The following GLUD1 variants were observed in gnomAD, a reference collection of about 807,000 sequenced individuals.
The protein encoded by GLUD1 is glutamate dehydrogenase 1, mitochondrial.
A neutral mutation model predicts 56.0 loss-of-function variants in GLUD1; 22 were observed. That is an observed-to-expected ratio of 0.39 (90% CI 0.28 to 0.56). GLUD1 has a LOEUF of 0.56. Ranked by LOEUF, GLUD1 falls within the 20% of genes least tolerant of loss-of-function variation. GLUD1 has a pLI of 0.58. For synonymous variants in GLUD1, 223 were observed against 269.9 expected (o/e 0.83, Z 1.70); for missense variants, 451 against 732.0 (o/e 0.62, Z 4.43).
Position 87,076,631 on chromosome 10 carries a change from A to T in GLUD1, c.471T>A (p.Ser157Arg), listed in dbSNP as rs754719807. 1.2e-6 allele frequency: 2 copies of T among 1,607,402 alleles called. No individual in the cohort carries two copies. The highest frequency in any genetic ancestry group is 1.7e-6 in the Non-Finnish European group (2 of 1,173,862). Reference protein sequence around the residue: ...KGGIRYSTDVSVDEVKALASL... With the variant: ...KGGIRYSTDVRVDEVKALASL... ...AAGCCAAAGCTTTTACTTCATCTACACTCACATCAGTGCTGTAACGGATAC... is the reference window on the plus strand; with the variant it reads ...AAGCCAAAGCTTTTACTTCATCTACTCTCACATCAGTGCTGTAACGGATAC... Residue 157 changes from serine to arginine, a missense_variant, in exon 2 of 13, where the codon AGT becomes AGA. Physicochemically the swap from Ser to Arg is moderately radical, Grantham distance 110. This residue lies in a region of GLUD1 where 248 missense variants were observed against 460.0 expected (regional missense o/e 0.54). Transcript: ENST00000277865.
At chr10:87,078,492 T>C (rs1264744226) in intron 1 of GLUD1, among the ~76,000 whole-genome samples, 4 of 152,222 alleles carry the variant, frequency 2.6e-5, no homozygotes, top group Non-Finnish European at 1.5e-5. Context: ...ACCTGGCAAG[T>C]TAGCACCACG....
intron 1 of GLUD1, among the ~76,000 whole-genome samples, chr10:87,081,946 CAAAAAA>C (rs71019464): frequency 1.2e-4 from 10 of 85,650 alleles, no homozygotes; most frequent in African/African-American, 3.9e-4. Flanking sequence ...ATGATCAATA[CAAAAAA>C]AAAAAAAAAA....
intron 4 of GLUD1, among the ~76,000 whole-genome samples, chr10:87,073,409 C>T (rs1428000453): frequency 1.3e-5 from 2 of 152,098 alleles, no homozygotes; most frequent in African/African-American, 4.8e-5. Context: ...CCACCTCAGC[C>T]TCCAAAAATG....
At chr10:87,074,875 T>C (rs544561186) in intron 3 of GLUD1, among the ~76,000 whole-genome samples, 1 of 152,116 alleles carries the variant, frequency 6.6e-6, no homozygotes, top group Non-Finnish European at 1.5e-5. Context: ...CACTAAATCT[T>C]AATTAAGATT....
chr10:87,052,945 A>G lies in GLUD1; in HGVS notation c.1557+397T>C, dbSNP rs1845677267. ...AAGAAATTAGGAAAACTGGACTCAA[A>G]CTGTGGTTGAGGCCTTAAAGTAGGG... is the stretch of plus-strand genomic sequence containing the variant. On this transcript the variant is annotated intron_variant, in intron 12 of 12. Transcript: ENST00000277865. Among the ~76,000 whole-genome samples the G allele has an allele frequency of 2.6e-5, 4 of 152,246 alleles. No individual in the cohort carries two copies. In the South Asian group the frequency reaches 6.2e-4, roughly 24 times the overall value.
intron 1 of GLUD1, 149 bp from the exon 2 acceptor site, chr10:87,076,805 T>G (rs964018890): frequency 4.3e-6 from 3 of 693,470 alleles, no homozygotes; most frequent in Non-Finnish European, 8.0e-6. Flanking sequence ...CCAAAAACAC[T>G]TGAAGCAGCT....
chr10:87,067,896 A>C, intron 5 of GLUD1, 167 bp downstream of exon 5: 1 of 631,370 alleles, frequency 1.6e-6, no homozygotes, highest in African/African-American at 1.8e-5. Context: ...ATCTGTGTTC[A>C]TTACGATTTA....
At position 87,062,634 on chromosome 10, in the gene GLUD1, CTT is replaced by C; in HGVS notation, c.921+20_921+21del. ...TAATGTCTATCAGTTATTAAGGAAACTTTTTTTGTTTTTGTTTTTACCTGAAC... is the reference window on the plus strand; with the variant it reads ...TAATGTCTATCAGTTATTAAGGAAACTTTTTGTTTTTGTTTTTACCTGAAC... On this transcript the variant is annotated intron_variant, in intron 6 of 12. Coordinates refer to ENST00000277865, the MANE Select transcript of GLUD1 (RefSeq NM_005271.5). The C allele has an allele frequency of 6.3e-7, 1 of 1,592,594 alleles. No homozygotes were observed. Among genetic ancestry groups the C allele is most frequent in the Non-Finnish European group, 8.6e-7 (1 of 1,161,666 alleles).
intron 11 of GLUD1, among the ~76,000 whole-genome samples, chr10:87,055,222 A>T (rs970481283): frequency 1.3e-5 from 2 of 152,144 alleles, no homozygotes; most frequent in African/African-American, 4.8e-5. Flanking sequence ...ATCAGGGCTT[A>T]GGTGTTAACA....
At chr10:87,059,827 G>A (rs1165490401) in intron 9 of GLUD1, among the ~76,000 whole-genome samples, 1 of 152,164 alleles carries the variant, frequency 6.6e-6, no homozygotes, top group Non-Finnish European at 1.5e-5. Flanking sequence ...AAGCTGGAAA[G>A]GGCACTTGAA....
Position 87,093,844 on chromosome 10 carries a change from C to A in GLUD1, c.445+481G>T. 4 of 1,081,236 alleles carry A rather than the reference C, an allele frequency of 3.7e-6. 1 individual carries two copies. In the South Asian group the frequency reaches 5.2e-5, roughly 14 times the overall value. The allele number at this position is 1,081,236 out of a possible 1,614,324, so 67.0% of individuals were successfully genotyped here. A position where few individuals can be genotyped will look rare whatever the true frequency, so the allele number is the denominator to read the frequency against. ...TCAAACTTAGAAGCCAAGTCATTTT[C>A]TATGTTCGGATATCATCTGTCACTA... is the stretch of plus-strand genomic sequence containing the variant. On this transcript the variant is annotated intron_variant, in intron 1 of 12. Coordinates refer to ENST00000277865, the MANE Select transcript of GLUD1 (RefSeq NM_005271.5).
intron 1 of GLUD1, chr10:87,089,581 C>T (rs1841464779): frequency 4.1e-6 from 4 of 983,408 alleles, no homozygotes; most frequent in South Asian, 4.7e-5. Flanking sequence ...GGCAGTTGAC[C>T]TCAAGTGAAG....
intron 5 of GLUD1, among the ~76,000 whole-genome samples, chr10:87,064,819 C>T (rs1403694241): frequency 6.6e-6 from 1 of 152,150 alleles, no homozygotes; most frequent in East Asian, 1.9e-4. Flanking sequence ...AATGCAAATG[C>T]TGGAGCTGAA....
chr10:87,091,868 T>C (rs1355438921), intron 1 of GLUD1, among the ~76,000 whole-genome samples: 1 of 151,992 alleles, frequency 6.6e-6, no homozygotes, highest in African/African-American at 2.4e-5. Flanking sequence ...AGGTTTTTTT[T>C]TTTGGCAAAG....
chr10:87,093,032 C>A (rs1442785625), intron 1 of GLUD1, among the ~76,000 whole-genome samples: 1 of 152,212 alleles, frequency 6.6e-6, no homozygotes, highest in Non-Finnish European at 1.5e-5. Context: ...GCAACCAGAG[C>A]TAGGGGATAA....
intron 6 of GLUD1, 124 bp from the exon 7 acceptor site, chr10:87,061,176 CA>C (rs1845919790): frequency 2.1e-6 from 2 of 945,668 alleles, no homozygotes; most frequent in South Asian, 2.6e-5. Context: ...ATTCTTTTGC[CA>C]AAAGAAACAA....
At chr10:87,064,968 C>T (rs17343630) in intron 5 of GLUD1, among the ~76,000 whole-genome samples, 47,702 of 151,928 alleles carry the variant, frequency 0.31, 7,793 homozygotes, top group Middle Eastern at 0.36. Flanking sequence ...GAGGGCGGCA[C>T]GTTTCAGTTC....
intron 12 of GLUD1, among the ~76,000 whole-genome samples, chr10:87,052,668 T>TAAAAAAAAAAAAAAAA (rs1285140190): frequency 1.2e-4 from 2 of 16,534 alleles, no homozygotes; most frequent in Non-Finnish European, 1.6e-4. Flanking sequence ...AAACTCCGTC[T>TAAAAAAAAAAAAAAAA]CAAAAAAAAA....
At chr10:87,068,851 A>G (rs1490172613) in intron 4 of GLUD1, among the ~76,000 whole-genome samples, 2 of 151,970 alleles carry the variant, frequency 1.3e-5, no homozygotes, top group Admixed American at 6.6e-5. Context: ...TGACGGCTAC[A>G]GTAAGATCTC....
Sources: allele counts gnomAD v4.1 joint callset (sites outside exome capture counted in the v4.1 genomes callset), GRCh38; gene constraint gnomAD v4.1.1; regional missense constraint gnomAD v4.1.1; transcripts MANE v1.5; gene names NCBI Gene and HGNC (gene_info 2026-07-23, HGNC 2026-07-21).